KIAA1217: variants seen among roughly 807,000 people sequenced by gnomAD.
KIAA1217 encodes sickle tail protein homolog.
In KIAA1217, 88 loss-of-function variants were observed where a neutral mutation model predicts 163.9. The observed-to-expected ratio is 0.54, with a 90% confidence interval of 0.45 to 0.64. The LOEUF (loss-of-function observed/expected upper bound fraction) is 0.64. Among genes scored for constraint, KIAA1217 ranks in the 30% least tolerant of loss-of-function variants. KIAA1217 has a pLI of 0.00. For missense variants in KIAA1217, 2,372 were observed against 2,475.0 expected (o/e 0.96, Z 0.88); for synonymous variants, 903 against 923.1 (o/e 0.98, Z 0.39).
intron 2 of KIAA1217, among the ~76,000 whole-genome samples, chr10:24,060,651 A>T (rs145773199): frequency 6.6e-6 from 1 of 152,196 alleles, no homozygotes; most frequent in East Asian, 1.9e-4. Flanking sequence ...TTTTTATGAG[A>T]TGTGCGTGGT....
rs540619702 is a variant in KIAA1217 at position 23,808,306 on chromosome 10, C to T, written c.-321+113072C>T. Among the ~76,000 whole-genome samples the T allele has an allele frequency of 9.2e-5, 14 of 152,220 alleles. No individual in the cohort carries two copies. The South Asian group carries it at 2.9e-3, about 32-fold the overall frequency. ...ACAAGGCCTGTGAGTAATGAAGTAACACAGAGGGAATTAGGCCCAACAAAT... is the reference window on the plus strand; with the variant it reads ...ACAAGGCCTGTGAGTAATGAAGTAATACAGAGGGAATTAGGCCCAACAAAT... On this transcript the variant is annotated intron_variant, in intron 1 of 18. Transcript: ENST00000376462.
intron 1 of KIAA1217, among the ~76,000 whole-genome samples, chr10:23,885,232 A>G (rs897419440): frequency 1.2e-4 from 19 of 152,078 alleles, no homozygotes; most frequent in Admixed American, 8.5e-4. Context: ...AATCTAGTTA[A>G]CACACTCATC....
chr10:23,723,237 T>TGGCC (rs1837962005), intron 1 of KIAA1217, among the ~76,000 whole-genome samples: 1 of 152,180 alleles, frequency 6.6e-6, no homozygotes, highest in Non-Finnish European at 1.5e-5. Context: ...CTGCACTGAC[T>TGGCC]GGCCCCACAC....
At chr10:23,910,019 T>G (rs935861119) in intron 1 of KIAA1217, among the ~76,000 whole-genome samples, 7 of 152,132 alleles carry the variant, frequency 4.6e-5, no homozygotes, top group African/African-American at 1.7e-4. Flanking sequence ...CTCATTGTGG[T>G]TTTGATTTGC....
intron 1 of KIAA1217, among the ~76,000 whole-genome samples, chr10:23,810,917 T>C (rs1308943277): frequency 4.2e-5 from 5 of 119,826 alleles, no homozygotes; most frequent in East Asian, 4.6e-4. Context: ...CTATATAGTA[T>C]AATAATATAG....
At chr10:23,964,419 T>C (rs551751410) in intron 1 of KIAA1217, among the ~76,000 whole-genome samples, 2 of 152,260 alleles carry the variant, frequency 1.3e-5, no homozygotes, top group East Asian at 3.9e-4. Flanking sequence ...TGCTGATAGT[T>C]TCTTTATTAG....
chr10:24,320,969 C>G (rs183061600), intron 2 of KIAA1217, among the ~76,000 whole-genome samples: 1 of 151,986 alleles, frequency 6.6e-6, no homozygotes, highest in East Asian at 1.9e-4. Flanking sequence ...ATGGCGTGAA[C>G]CCAGGAGGTG....
chr10:23,984,463 A>G (rs1053378210), intron 1 of KIAA1217, among the ~76,000 whole-genome samples: 1 of 152,196 alleles, frequency 6.6e-6, no homozygotes, highest in Non-Finnish European at 1.5e-5. Flanking sequence ...CACATGCATA[A>G]GTATGTTCAT....
intron 2 of KIAA1217, among the ~76,000 whole-genome samples, chr10:24,100,148 TG>T (rs954845672): frequency 6.6e-6 from 1 of 152,106 alleles, no homozygotes; most frequent in Non-Finnish European, 1.5e-5. Flanking sequence ...GGGTTTTTTT[TG>T]TTTGTTTTCA....
chr10:24,257,858 C>A (rs1490593277), intron 2 of KIAA1217, among the ~76,000 whole-genome samples: 2 of 152,174 alleles, frequency 1.3e-5, no homozygotes, highest in Non-Finnish European at 2.9e-5. Flanking sequence ...CATCCTGATG[C>A]TTCCCCTAGG....
At chr10:24,542,127 C>T (rs771740231) in intron 17 of KIAA1217, among the ~76,000 whole-genome samples, 14 of 152,182 alleles carry the variant, frequency 9.2e-5, no homozygotes, top group Non-Finnish European at 1.8e-4. Flanking sequence ...CCAACCAAGG[C>T]AGATGTCTTT....
chr10:24,346,221 T>C (rs1240133715), intron 2 of KIAA1217, among the ~76,000 whole-genome samples: 1 of 152,178 alleles, frequency 6.6e-6, no homozygotes, highest in East Asian at 1.9e-4. Flanking sequence ...CCCAGCACTT[T>C]GGGAGGCCGA....
chr10:24,143,683 A>G (rs1194410924), intron 2 of KIAA1217, among the ~76,000 whole-genome samples: 1 of 152,030 alleles, frequency 6.6e-6, no homozygotes, highest in East Asian at 1.9e-4. Flanking sequence ...AGTGTATCCC[A>G]TATTCAGTCT....
chr10:24,371,994 T>C (rs2051713008), intron 2 of KIAA1217, among the ~76,000 whole-genome samples: 1 of 152,170 alleles, frequency 6.6e-6, no homozygotes. Flanking sequence ...AAGTGAGAGC[T>C]AAACATTGGG....
At chr10:24,385,002 C>T (rs1045765261) in intron 3 of KIAA1217, among the ~76,000 whole-genome samples, 14 of 152,202 alleles carry the variant, frequency 9.2e-5, no homozygotes, top group Admixed American at 7.9e-4. Context: ...CCCCCAGCCA[C>T]GGGGCCTGGA....
intron 1 of KIAA1217, among the ~76,000 whole-genome samples, chr10:23,960,230 C>A (rs191623912): frequency 6.4e-4 from 96 of 150,520 alleles, no homozygotes; most frequent in Admixed American, 1.9e-3. Flanking sequence ...TCTTTTATAG[C>A]TTCCTGCAGG....
At chr10:23,935,501 T>G (rs905431964) in intron 1 of KIAA1217, among the ~76,000 whole-genome samples, 10 of 152,106 alleles carry the variant, frequency 6.6e-5, no homozygotes, top group Admixed American at 1.3e-4. Flanking sequence ...AACCAAAAAT[T>G]TTATAAACTA....
intron 1 of KIAA1217, among the ~76,000 whole-genome samples, chr10:23,734,242 C>A (rs1387781505): frequency 6.6e-6 from 1 of 151,574 alleles, no homozygotes; most frequent in African/African-American, 2.4e-5. Context: ...AAGCACTATT[C>A]TTACTTTAGA....
intron 1 of KIAA1217, among the ~76,000 whole-genome samples, chr10:23,706,593 A>G (rs1836900721): frequency 6.6e-6 from 1 of 152,218 alleles, no homozygotes; most frequent in Admixed American, 6.5e-5. Flanking sequence ...TACTAAACCA[A>G]CCTTGCATTC....
Sources: gnomAD v4.1 joint callset for allele counts (sites outside exome capture counted in the v4.1 genomes callset) on GRCh38, gnomAD v4.1.1 for gene constraint, MANE v1.5 for transcripts, NCBI Gene and HGNC (gene_info 2026-07-23, HGNC 2026-07-21) for gene names.